SLC23A2: variants seen among roughly 807,000 people sequenced by gnomAD.
SLC23A2 encodes the protein Na(+)/L-ascorbic acid transporter 2.
A neutral mutation model predicts 73.3 loss-of-function variants in SLC23A2; 36 were observed. That is an observed-to-expected ratio of 0.49 (90% CI 0.38 to 0.65). SLC23A2 has a LOEUF of 0.65. Ranked by LOEUF, SLC23A2 falls within the 30% of genes least tolerant of loss-of-function variation. The pLI is 0.00. For synonymous variants in SLC23A2, 343 were observed against 327.3 expected, an observed-to-expected ratio of 1.05 and a Z score of -0.52; for missense variants, 507 against 841.6, an observed-to-expected ratio of 0.60 and a Z score of 4.92.
chr20:4,926,831 G>A (rs990674045), intron 3 of SLC23A2, among the ~76,000 whole-genome samples: 4 of 151,760 alleles, frequency 2.6e-5, no homozygotes, highest in Non-Finnish European at 4.4e-5. Flanking sequence ...TAAAGATCTG[G>A]GAAGCACTCA....
intron 2 of SLC23A2, among the ~76,000 whole-genome samples, chr20:4,964,832 C>CAAAAAAA (rs10639211): frequency 1.1e-5 from 1 of 88,544 alleles, no homozygotes. Context: ...GACTCTGTCT[C>CAAAAAAA]AAAAAAAAAA....
At chr20:4,906,575 G>A (rs1360362328) in intron 4 of SLC23A2, among the ~76,000 whole-genome samples, 2 of 150,998 alleles carry the variant, frequency 1.3e-5, no homozygotes, top group South Asian at 2.1e-4. Flanking sequence ...AGCCAAGATC[G>A]TGCCACTGCA....
At chr20:4,989,007 C>A (rs1164642794) in intron 1 of SLC23A2, among the ~76,000 whole-genome samples, 1 of 151,780 alleles carries the variant, frequency 6.6e-6, no homozygotes, top group East Asian at 1.9e-4. Flanking sequence ...GAGGCCGAGG[C>A]GGGTGGATCA....
intron 1 of SLC23A2, among the ~76,000 whole-genome samples, chr20:4,996,804 T>C (rs1267028107): frequency 2.0e-5 from 3 of 151,180 alleles, no homozygotes; most frequent in Non-Finnish European, 2.9e-5. Context: ...TAGAGACACC[T>C]AGATCTGAGG....
intron 1 of SLC23A2, among the ~76,000 whole-genome samples, chr20:4,999,103 C>A (rs1443247835): frequency 6.6e-6 from 1 of 152,096 alleles, no homozygotes; most frequent in Admixed American, 6.6e-5. Context: ...CCATGCCCAG[C>A]CCCGGCCTAC....
Position 4,883,945 on chromosome 20 carries a change from G to A in SLC23A2, c.643-122C>T. 1 of 692,858 alleles carries A rather than the reference G, an allele frequency of 1.4e-6. No individual in the cohort carries two copies. Among genetic ancestry groups the A allele is most frequent in the Non-Finnish European group, 2.2e-6 (1 of 444,714 alleles). The allele number at this position is 692,858 out of a possible 1,614,324, so 42.9% of individuals were successfully genotyped here. On this transcript the variant is annotated intron_variant, in intron 8 of 16. Transcript: ENST00000338244. This position sits in a 1 kb window ranked among gnomAD's most constrained non-coding sequence, Gnocchi z 4.5. ...ATAAGTTATTACATCATCTAACTTG[G>A]GAGAGATAGCTAGAAAATTCCCCAG...
rs578152528 is a variant in SLC23A2 at position 4,899,641 on chromosome 20, G to A, written c.396C>T (p.Tyr132=). Residue 132 remains tyrosine (Y), a synonymous_variant, in exon 6 of 17, where the codon TAC becomes TAT. Coordinates refer to ENST00000338244, the MANE Select transcript of SLC23A2 (RefSeq NM_005116.6). This position sits in a 1 kb window ranked among gnomAD's most constrained non-coding sequence, Gnocchi z 4.9. The stretch of plus-strand genomic sequence containing the variant: ...TGAGCTGGCTGGTGGCCCACTGGTC[G>A]TACCCCACACACATGGCATCGGCCA... ...FLLADAMCVG[Y]DQWATSQLIG... 107 of 1,614,056 alleles carry A rather than the reference G, an allele frequency of 6.6e-5. No individual in the cohort carries two copies. Among genetic ancestry groups the A allele is most frequent in the Non-Finnish European group, 7.7e-5 (91 of 1,179,948 alleles).
At chr20:4,953,421 C>T (rs1437888221) in intron 2 of SLC23A2, among the ~76,000 whole-genome samples, 3 of 151,946 alleles carry the variant, frequency 2.0e-5, no homozygotes, top group Admixed American at 6.6e-5. Flanking sequence ...TGCTAAAGCC[C>T]TTCTCCCAAA....
At chr20:4,923,140 C>A (rs1932553972) in intron 3 of SLC23A2, among the ~76,000 whole-genome samples, 1 of 151,380 alleles carries the variant, frequency 6.6e-6, no homozygotes, top group Non-Finnish European at 1.5e-5. Flanking sequence ...GGTGTGGTGG[C>A]TTATGCCTGT....
intron 2 of SLC23A2, among the ~76,000 whole-genome samples, chr20:4,954,187 T>C (rs561310277): frequency 6.2e-4 from 94 of 152,176 alleles, no homozygotes; most frequent in African/African-American, 6.3e-4. Flanking sequence ...TCCAAGAAGA[T>C]AGGGGTAGGG....
intron 2 of SLC23A2, among the ~76,000 whole-genome samples, chr20:4,968,106 T>C (rs1286021149): frequency 2.6e-5 from 4 of 152,098 alleles, no homozygotes; most frequent in Admixed American, 2.6e-4. Context: ...TCCCATCTGA[T>C]TGTACAGTCC....
chr20:4,952,366 C>A (rs1452670027), intron 2 of SLC23A2, among the ~76,000 whole-genome samples: 1 of 152,118 alleles, frequency 6.6e-6, no homozygotes, highest in Non-Finnish European at 1.5e-5. Context: ...AAGCTTAGCA[C>A]CTGGGTTGTC....
intron 1 of SLC23A2, among the ~76,000 whole-genome samples, chr20:4,996,695 A>AC (rs2088025990): frequency 7.1e-6 from 1 of 141,816 alleles, no homozygotes; most frequent in African/African-American, 2.5e-5. Flanking sequence ...CAAAAAAAAA[A>AC]AAAAAAAAAA....
chr20:4,998,164 T>C lies in SLC23A2; in HGVS notation c.-282+3242A>G, dbSNP rs1424370287. Among the ~76,000 whole-genome samples, 1 of 152,118 alleles carries C rather than the reference T, an allele frequency of 6.6e-6. No homozygotes were observed. Among genetic ancestry groups the C allele is most frequent in the Non-Finnish European group, 1.5e-5 (1 of 68,020 alleles). On this transcript the variant is annotated intron_variant, in intron 1 of 16. Coordinates refer to ENST00000338244, the MANE Select transcript of SLC23A2 (RefSeq NM_005116.6). This position sits in a 1 kb window ranked among gnomAD's most constrained non-coding sequence, Gnocchi z 4.1. ...TCCTCCCTGTCTACCCTTCCAAAAA[T>C]ATCAACTCCCATCCCCACACTTAAT...
At chr20:4,860,415 G>A (rs1406786068) in intron 15 of SLC23A2, among the ~76,000 whole-genome samples, 4 of 152,282 alleles carry the variant, frequency 2.6e-5, no homozygotes, top group South Asian at 4.1e-4. Flanking sequence ...TGTGCTTTCC[G>A]TTGGTGATCT....
At chr20:4,888,913 G>A (rs1388809225) in intron 6 of SLC23A2, among the ~76,000 whole-genome samples, 1 of 152,226 alleles carries the variant, frequency 6.6e-6, no homozygotes. Flanking sequence ...GCCAGATTCA[G>A]GGGTGGGTGG....
chr20:4,953,769 G>A (rs1327128083), intron 2 of SLC23A2, among the ~76,000 whole-genome samples: 1 of 152,056 alleles, frequency 6.6e-6, no homozygotes, highest in Non-Finnish European at 1.5e-5. Context: ...CACACCTGTA[G>A]TTTTAGCTAC....
At chr20:4,940,826 G>T (rs149112733) in intron 2 of SLC23A2, among the ~76,000 whole-genome samples, 2 of 152,294 alleles carry the variant, frequency 1.3e-5, no homozygotes, top group South Asian at 4.1e-4. Context: ...AGGGACTTGG[G>T]GGGGCGGTCA....
chr20:4,923,392 T>A (rs1297276504), intron 3 of SLC23A2, among the ~76,000 whole-genome samples: 1 of 152,222 alleles, frequency 6.6e-6, no homozygotes. Context: ...TCTAACACTT[T>A]TTCCCCCCAA....
Sources: allele counts gnomAD v4.1 joint callset (sites outside exome capture counted in the v4.1 genomes callset), GRCh38; gene constraint gnomAD v4.1.1; non-coding constraint Gnocchi (gnomAD v3.1); transcripts MANE v1.5; gene names NCBI Gene and HGNC (gene_info 2026-07-23, HGNC 2026-07-21).